Variants in CDC16 observed in about 807,000 individuals in gnomAD.
CDC16 encodes cell division cycle 16.
Under a neutral mutation model 87.0 loss-of-function variants are expected in CDC16, and 34 were observed. That is an observed-to-expected ratio of 0.39 (90% CI 0.30 to 0.52). CDC16 has a LOEUF of 0.52. CDC16 is among the 20% of genes least tolerant of loss of function. CDC16 has a pLI of 0.74. For synonymous variants in CDC16, 263 were observed against 260.6 expected (o/e 1.01, Z -0.09); for missense variants, 653 against 751.9 (o/e 0.87, Z 1.54).
At chr13:114,251,354 T>C (rs931670446) in intron 12 of CDC16, among the ~76,000 whole-genome samples, 4 of 152,206 alleles carry the variant, frequency 2.6e-5, no homozygotes, top group South Asian at 4.1e-4. Flanking sequence ...ATAGGAATAA[T>C]AGCAAAATTT....
At chr13:114,253,888 G>A (rs1483326020) in intron 12 of CDC16, among the ~76,000 whole-genome samples, 1 of 152,034 alleles carries the variant, frequency 6.6e-6, no homozygotes, top group African/African-American at 2.4e-5. Context: ...TTGCAAGTGA[G>A]GTATTAAAGT....
chr13:114,258,375 C>T (rs1246202431), intron 13 of CDC16, among the ~76,000 whole-genome samples: 6 of 152,202 alleles, frequency 3.9e-5, no homozygotes, highest in African/African-American at 1.4e-4. Flanking sequence ...GAAGGCAACG[C>T]TCTGCCTTTT....
Position 114,234,903 on chromosome 13 carries a change from CGG to C in CDC16, c.-179_-178del. The C allele has an allele frequency of 2.8e-6, 1 of 362,010 alleles. No homozygotes were observed. Among genetic ancestry groups the C allele is most frequent in the South Asian group, 1.5e-4 (1 of 6,752 alleles). 22.4% of individuals were successfully genotyped at this position (362,010 alleles called of 1,614,324 possible). The stretch of plus-strand genomic sequence containing the variant: ...GGAGCGGAAGAGCCTGGGCAGTGCA[CGG>C]GGCCTGGGTGGGGGGTGCGGGTGTG... On this transcript the variant is annotated 5_prime_UTR_variant, in exon 1 of 18. Coordinates refer to ENST00000356221, the MANE Select transcript of CDC16 (RefSeq NM_001078645.3).
In CDC16 at chr13:114,265,782, G is replaced by A. The variant is rs537550740; in HGVS notation, c.1603+542G>A. On this transcript the variant is annotated intron_variant, in intron 17 of 17. Transcript: ENST00000356221. ...GGTTATTGAGATCTAGGATAGGAAAGTTGCAAGCTTGCTAACTCCCGTTCC... is the reference window on the plus strand; with the variant it reads ...GGTTATTGAGATCTAGGATAGGAAAATTGCAAGCTTGCTAACTCCCGTTCC... Among the ~76,000 whole-genome samples the A allele has an allele frequency of 5.3e-5, 8 of 152,020 alleles. No individual in the cohort carries two copies. The East Asian group carries it at 9.7e-4, about 18-fold the overall frequency.
At chr13:114,248,932 T>C (rs1566653501) in intron 11 of CDC16, among the ~76,000 whole-genome samples, 1 of 151,928 alleles carries the variant, frequency 6.6e-6, no homozygotes, top group Non-Finnish European at 1.5e-5. Context: ...TCCCCAACAT[T>C]TTTGGCACCA....
intron 4 of CDC16, 89 bp downstream of exon 4, chr13:114,239,117 A>C (rs2081412045): frequency 6.5e-7 from 1 of 1,533,038 alleles, no homozygotes; most frequent in Non-Finnish European, 8.9e-7. Context: ...TTAGTGATGG[A>C]GCTTAGCAGG....
chr13:114,239,196 G>A (rs543371857), intron 4 of CDC16, 154 bp from the exon 5 acceptor site: 18 of 1,399,680 alleles, frequency 1.3e-5, no homozygotes, highest in Non-Finnish European at 1.6e-5. Flanking sequence ...CTGATTCTTC[G>A]TTTACCACAT....
intron 3 of CDC16, among the ~76,000 whole-genome samples, chr13:114,237,371 C>T (rs2081308440): frequency 6.6e-6 from 1 of 152,104 alleles, no homozygotes; most frequent in South Asian, 2.1e-4. Flanking sequence ...CTCACTATAA[C>T]CTCAGACTCC....
chr13:114,264,692 A>G (rs1354127685), intron 16 of CDC16, among the ~76,000 whole-genome samples: 1 of 149,522 alleles, frequency 6.7e-6, no homozygotes, highest in Non-Finnish European at 1.5e-5. Context: ...GCTCACTGCA[A>G]CCTCCACCTC....
Position 114,238,939 on chromosome 13 carries a change from A to T in CDC16, c.202-51A>T, listed in dbSNP as rs748911312. On this transcript the variant is annotated intron_variant, in intron 3 of 17. Transcript: ENST00000356221. ...ATGCTTATGGCTTTCTTTGAAAGTGAAGATACATATTATTTTGACCACTAC... is the reference window on the plus strand; with the variant it reads ...ATGCTTATGGCTTTCTTTGAAAGTGTAGATACATATTATTTTGACCACTAC... 2.6e-5 allele frequency: 41 copies of T among 1,569,494 alleles called. No individual in the cohort carries two copies. In the Admixed American group the frequency reaches 4.4e-4, roughly 17 times the overall value.
chr13:114,268,961 G>T (rs1394762357), intron 17 of CDC16, among the ~76,000 whole-genome samples: 1 of 152,198 alleles, frequency 6.6e-6, no homozygotes, highest in East Asian at 1.9e-4. Flanking sequence ...AAAGGGTAAA[G>T]CCTCTTTGGA....
intron 13 of CDC16, among the ~76,000 whole-genome samples, chr13:114,259,064 A>G (rs1198782158): frequency 6.7e-6 from 1 of 148,908 alleles, no homozygotes; most frequent in Non-Finnish European, 1.5e-5. Context: ...GCACCACTGC[A>G]CTCCAGCCTA....
intron 12 of CDC16, 48 bp from the exon 13 acceptor site, chr13:114,257,029 TA>T: frequency 7.8e-7 from 1 of 1,286,536 alleles, no homozygotes; most frequent in Non-Finnish European, 1.1e-6. Flanking sequence ...TAATTTCTGC[TA>T]AATCACAGTT....
chr13:114,249,218 G>A (rs1186026892), intron 11 of CDC16, among the ~76,000 whole-genome samples: 1 of 151,836 alleles, frequency 6.6e-6, no homozygotes, highest in Non-Finnish European at 1.5e-5. Context: ...CCTCACATGT[G>A]CAGTTAACAA....
rs1410221538 is a variant in CDC16 at position 114,247,155 on chromosome 13, T to C, written c.971+151T>C. On this transcript the variant is annotated intron_variant, in intron 11 of 17. Coordinates refer to ENST00000356221, the MANE Select transcript of CDC16 (RefSeq NM_001078645.3). ...CCTTTCTTTTCTTTCTCTCTTTCTT[T>C]CTTGCCTTTTCTTTTCCTTCTCACC... is the stretch of plus-strand genomic sequence containing the variant. The C allele has an allele frequency of 5.6e-5, 34 of 604,486 alleles. No homozygotes were observed. The East Asian group carries it at 9.5e-4, about 17-fold the overall frequency. The allele number at this position is 604,486 out of a possible 1,614,324, so 37.4% of individuals were successfully genotyped here.
In CDC16 at chr13:114,243,887, A is replaced by G; in HGVS notation, c.665A>G (p.Glu222Gly). 3 of 1,610,092 alleles carry G rather than the reference A, an allele frequency of 1.9e-6. No homozygotes were observed. The South Asian group carries it at 3.3e-5, about 18-fold the overall frequency. The change falls in exon 8 of 18, where the codon GAA becomes GGA. Residue 222 changes from glutamate to glycine, a missense_variant. Coordinates refer to ENST00000356221, the MANE Select transcript of CDC16 (RefSeq NM_001078645.3). ...AAGCCTAGTGAAACGGTCATCCCTGAATCTGTAGATGGCTTGCAAGAGAAT... is the reference window on the plus strand; with the variant it reads ...AAGCCTAGTGAAACGGTCATCCCTGGATCTGTAGATGGCTTGCAAGAGAAT... Reference protein sequence around the residue: ...YNKPSETVIPESVDGLQENLD... With the variant: ...YNKPSETVIPGSVDGLQENLD...
intron 17 of CDC16, among the ~76,000 whole-genome samples, chr13:114,269,798 G>A (rs1412089169): frequency 6.6e-6 from 1 of 152,146 alleles, no homozygotes; most frequent in Non-Finnish European, 1.5e-5. Context: ...TCTGCCTCCT[G>A]GGTTCAAGCA....
chr13:114,272,495 C>T lies in CDC16; in HGVS notation c.*52C>T. The T allele has an allele frequency of 6.6e-7, 1 of 1,507,254 alleles. No individual in the cohort carries two copies. Among genetic ancestry groups the T allele is most frequent in the South Asian group, 1.2e-5 (1 of 83,446 alleles). The allele number at this position is 1,507,254 out of a possible 1,614,324, so 93.4% of individuals were successfully genotyped here. ...GTCCCAGTGTAGGTTAGTATTCCTT[C>T]ACATCCTCTCCATGGCTTAAGAATG... On this transcript the variant is annotated 3_prime_UTR_variant, in exon 18 of 18. Transcript: ENST00000356221.
At chr13:114,258,847 C>T (rs1405085839) in intron 13 of CDC16, among the ~76,000 whole-genome samples, 1 of 152,082 alleles carries the variant, frequency 6.6e-6, no homozygotes, top group Non-Finnish European at 1.5e-5. Flanking sequence ...TCTGTAATCC[C>T]AGCACTTTGG....
Sources: allele counts gnomAD v4.1 joint callset (sites outside exome capture counted in the v4.1 genomes callset), GRCh38; gene constraint gnomAD v4.1.1; transcripts MANE v1.5; gene names NCBI Gene and HGNC (gene_info 2026-07-23, HGNC 2026-07-21).